The following PHF21B variants were observed in gnomAD, a reference collection of about 807,000 sequenced individuals.
PHF21B encodes the protein PHD finger protein 4.
Under a neutral mutation model 62.2 loss-of-function variants are expected in PHF21B, and 22 were observed. That is an observed-to-expected ratio of 0.35 (90% CI 0.25 to 0.51). The LOEUF (loss-of-function observed/expected upper bound fraction) is 0.51. PHF21B is among the 20% of genes least tolerant of loss of function. The pLI, the probability that PHF21B is intolerant of heterozygous loss-of-function variation, is 0.97. For synonymous variants in PHF21B, 341 were observed against 314.7 expected (o/e 1.08, Z -0.88); for missense variants, 701 against 707.9 (o/e 0.99, Z 0.11).
chr22:44,981,781 G>C (rs901197462), intron 2 of PHF21B, among the ~76,000 whole-genome samples: 5 of 152,214 alleles, frequency 3.3e-5, no homozygotes, highest in African/African-American at 1.2e-4. Context: ...GCACGCAGGT[G>C]TTCTGCTCAA....
At chr22:44,991,954 T>C (rs1334672146) in intron 2 of PHF21B, among the ~76,000 whole-genome samples, 1 of 152,218 alleles carries the variant, frequency 6.6e-6, no homozygotes, top group African/African-American at 2.4e-5. Flanking sequence ...ATGAAGCTGT[T>C]GGCTGGGTCA....
At chr22:44,974,922 A>G (rs1266782844) in intron 2 of PHF21B, among the ~76,000 whole-genome samples, 1 of 152,250 alleles carries the variant, frequency 6.6e-6, no homozygotes, top group Non-Finnish European at 1.5e-5. Context: ...CAAGCAGATC[A>G]AAATGAAATG....
intron 2 of PHF21B, among the ~76,000 whole-genome samples, chr22:44,948,616 G>A (rs765180415): frequency 1.3e-5 from 2 of 151,918 alleles, no homozygotes; most frequent in African/African-American, 2.4e-5. Context: ...GCTCGAACCC[G>A]GGAGGCAGAG....
At chr22:45,008,650 G>A (rs1171401732) in intron 1 of PHF21B, 40 bp from the exon 2 acceptor site, 20 of 1,537,474 alleles carry the variant, frequency 1.3e-5, no homozygotes, top group Middle Eastern at 2.0e-4. Flanking sequence ...CAGGCCACCC[G>A]GGGTCAGGTG....
At chr22:44,947,595 G>C (rs1446036133) in intron 2 of PHF21B, among the ~76,000 whole-genome samples, 1 of 140,824 alleles carries the variant, frequency 7.1e-6, no homozygotes, top group African/African-American at 3.2e-5. Context: ...GGCAGCACAG[G>C]CACCAAATTC....
chr22:44,936,146 C>T (rs992341112), intron 2 of PHF21B, among the ~76,000 whole-genome samples: 4 of 152,266 alleles, frequency 2.6e-5, no homozygotes, highest in African/African-American at 9.6e-5. Flanking sequence ...AAGAACCCGG[C>T]TGCTGTCTTC....
intron 2 of PHF21B, among the ~76,000 whole-genome samples, chr22:44,963,656 A>G (rs1223478132): frequency 2.0e-5 from 3 of 152,220 alleles, no homozygotes; most frequent in Admixed American, 6.5e-5. Context: ...AGAGAACCCG[A>G]GGCCTTCCCT....
At chr22:44,913,564 A>G (rs1271942356) in intron 5 of PHF21B, among the ~76,000 whole-genome samples, 1 of 152,216 alleles carries the variant, frequency 6.6e-6, no homozygotes, top group Non-Finnish European at 1.5e-5. Flanking sequence ...GCAGTGCAGG[A>G]CCCATGCAGA....
chr22:44,994,976 C>T (rs2073097337), intron 2 of PHF21B, among the ~76,000 whole-genome samples: 3 of 152,242 alleles, frequency 2.0e-5, no homozygotes, highest in South Asian at 2.1e-4. Flanking sequence ...CCGCCCACCG[C>T]CCACCCCTCC....
chr22:44,887,663 GA>G (rs144448848), intron 10 of PHF21B, among the ~76,000 whole-genome samples: 6,603 of 150,860 alleles, frequency 0.044, 226 homozygotes, highest in African/African-American at 0.091. Context: ...GCTGAGGCAG[GA>G]GGATCACTTG....
chr22:44,911,326 A>C (rs545162460), intron 5 of PHF21B, among the ~76,000 whole-genome samples: 1,890 of 152,316 alleles, frequency 0.012, 41 homozygotes, highest in African/African-American at 0.043. Flanking sequence ...ACGAGGAGTT[A>C]CTTATGTTAA....
chr22:44,992,374 C>T lies in PHF21B; in HGVS notation c.120+16171G>A, dbSNP rs553322519. Reference sequence around the variant, plus strand: ...AGCGTGGACGCACTCAATGCCAGGGCGACCAGAGTGAGCCACTGAGACTGG... The same window carrying T: ...AGCGTGGACGCACTCAATGCCAGGGTGACCAGAGTGAGCCACTGAGACTGG... On this transcript the variant is annotated intron_variant, in intron 2 of 12. Transcript: ENST00000313237. 9.0e-4 allele frequency among the ~76,000 whole-genome samples: 137 copies of T among 152,322 alleles called. 1 individual carries two copies. Among genetic ancestry groups the T allele is most frequent in the African/African-American group, 3.2e-3 (132 of 41,566 alleles).
At chr22:44,929,297 G>T (rs2071694179) in intron 2 of PHF21B, among the ~76,000 whole-genome samples, 1 of 152,198 alleles carries the variant, frequency 6.6e-6, no homozygotes, top group African/African-American at 2.4e-5. Context: ...TCCACGGGCC[G>T]CTGCTGCTGC....
Position 44,882,760 on chromosome 22 carries a change from G to A in PHF21B, c.*326C>T, listed in dbSNP as rs2070761105. On this transcript the variant is annotated 3_prime_UTR_variant, in exon 13 of 13. Coordinates refer to ENST00000313237, the MANE Select transcript of PHF21B (RefSeq NM_138415.5). ...CACAGCCTCAGCCTGCCCCTCCAAC[G>A]GGCCAGAGGGAGGCCGTGGAGAGCA... 7.2e-6 allele frequency: 2 copies of A among 278,338 alleles called. No individual in the cohort carries two copies. Among genetic ancestry groups the A allele is most frequent in the Non-Finnish European group, 1.3e-5 (2 of 148,338 alleles). The allele number at this position is 278,338 out of a possible 1,614,324, so 17.2% of individuals were successfully genotyped here.
chr22:44,883,584 G>A (rs1438574691), intron 12 of PHF21B, among the ~76,000 whole-genome samples: 1 of 152,078 alleles, frequency 6.6e-6, no homozygotes, highest in Non-Finnish European at 1.5e-5. Context: ...CCCGCTAGCT[G>A]CCCACACTCT....
intron 4 of PHF21B, among the ~76,000 whole-genome samples, chr22:44,914,547 C>G (rs988117572): frequency 6.6e-6 from 1 of 152,242 alleles, no homozygotes; most frequent in East Asian, 1.9e-4. Context: ...TGAGGCCATC[C>G]AGTCAGGAGG....
chr22:44,973,538 G>A (rs539627979), intron 2 of PHF21B, among the ~76,000 whole-genome samples: 1 of 152,188 alleles, frequency 6.6e-6, no homozygotes, highest in African/African-American at 2.4e-5. Context: ...CTCAAGCTGA[G>A]TGGGGGCTAC....
rs996967891 is a variant in PHF21B, at chr22:44,972,322, TATC to T, written c.120+36220_120+36222del. On this transcript the variant is annotated intron_variant, in intron 2 of 12. Coordinates refer to ENST00000313237, the MANE Select transcript of PHF21B (RefSeq NM_138415.5). ...TTTTTCTTTTGACTTTGGTAAAATGTATCATGAGTGACGGATTTGGGCATTTCG... is the reference window on the plus strand; with the variant it reads ...TTTTTCTTTTGACTTTGGTAAAATGTATGAGTGACGGATTTGGGCATTTCG... Among the ~76,000 whole-genome samples the T allele has an allele frequency of 9.9e-5, 15 of 152,258 alleles. 1 individual carries two copies. Among genetic ancestry groups the T allele is most frequent in the African/African-American group, 3.6e-4 (15 of 41,470 alleles).
At chr22:44,962,956 C>T (rs2072454142) in intron 2 of PHF21B, among the ~76,000 whole-genome samples, 1 of 152,234 alleles carries the variant, frequency 6.6e-6, no homozygotes, top group African/African-American at 2.4e-5. Flanking sequence ...AATCATGACT[C>T]GTTCTACCTT....
Sources: allele counts gnomAD v4.1 joint callset (sites outside exome capture counted in the v4.1 genomes callset), GRCh38; gene constraint gnomAD v4.1.1; transcripts MANE v1.5; gene names NCBI Gene and HGNC (gene_info 2026-07-23, HGNC 2026-07-21).